SSBP2: variants seen among roughly 807,000 people sequenced by gnomAD.
SSBP2 encodes the protein single stranded DNA binding protein 2.
In SSBP2, 17 loss-of-function variants were observed where a neutral mutation model predicts 61.8. The observed-to-expected ratio is 0.28, with a 90% CI of 0.19 to 0.41. The LOEUF (loss-of-function observed/expected upper bound fraction) is 0.41. Ranked by LOEUF, SSBP2 falls within the 10% of genes least tolerant of loss-of-function variation. SSBP2 has a pLI of 1.00. For synonymous variants in SSBP2, 139 were observed against 141.3 expected, an observed-to-expected ratio of 0.98 and a Z score of 0.12; for missense variants, 310 against 458.7, an observed-to-expected ratio of 0.68 and a Z score of 2.96.
chr5:81,432,985 G>C (rs1182626330), intron 15 of SSBP2, among the ~76,000 whole-genome samples: 2 of 150,398 alleles, frequency 1.3e-5, no homozygotes, highest in South Asian at 2.1e-4. Context: ...AGGGAGGTGG[G>C]GGGGGTCAGA....
chr5:81,436,396 A>AT (rs1762679277), intron 15 of SSBP2, among the ~76,000 whole-genome samples: 1 of 151,920 alleles, frequency 6.6e-6, no homozygotes, highest in Non-Finnish European at 1.5e-5. Context: ...GACCTTTCTG[A>AT]TTTTTTGTAA....
chr5:81,749,621 C>CA (rs1199998775), intron 1 of SSBP2, among the ~76,000 whole-genome samples: 1 of 151,792 alleles, frequency 6.6e-6, no homozygotes, highest in Non-Finnish European at 1.5e-5. Flanking sequence ...CTCTGACCCT[C>CA]AGAGTTTAAG....
chr5:81,486,724 C>A (rs1410090590), intron 6 of SSBP2, among the ~76,000 whole-genome samples: 1 of 152,148 alleles, frequency 6.6e-6, no homozygotes, highest in Non-Finnish European at 1.5e-5. Context: ...TATGTTGTAA[C>A]CCTTGGCATC....
chr5:81,423,775 T>C (rs1286108015), intron 16 of SSBP2, among the ~76,000 whole-genome samples: 1 of 152,056 alleles, frequency 6.6e-6, no homozygotes, highest in Non-Finnish European at 1.5e-5. Flanking sequence ...AGTTCATTCA[T>C]ATGTCAGGTT....
At chr5:81,665,555 G>A (rs1220646840) in intron 1 of SSBP2, among the ~76,000 whole-genome samples, 4 of 152,096 alleles carry the variant, frequency 2.6e-5, no homozygotes, top group South Asian at 2.1e-4. Context: ...GTGCAGTGGC[G>A]CAATCTTGGC....
intron 5 of SSBP2, among the ~76,000 whole-genome samples, chr5:81,510,465 A>C (rs940109204): frequency 6.6e-6 from 1 of 152,232 alleles, no homozygotes; most frequent in East Asian, 1.9e-4. Context: ...GCCACCATTA[A>C]ATTTTACTTG....
At chr5:81,575,785 A>T (rs1229331922) in intron 4 of SSBP2, among the ~76,000 whole-genome samples, 1 of 152,222 alleles carries the variant, frequency 6.6e-6, no homozygotes, top group African/African-American at 2.4e-5. Flanking sequence ...GACAAAAAAC[A>T]AGATATATAT....
At chr5:81,510,027 T>C (rs1182840153) in intron 5 of SSBP2, among the ~76,000 whole-genome samples, 2 of 152,212 alleles carry the variant, frequency 1.3e-5, no homozygotes, top group Non-Finnish European at 2.9e-5. Context: ...TCTTCTTTTG[T>C]TCATCTTTTA....
At chr5:81,557,374 T>C (rs1772686232) in intron 4 of SSBP2, among the ~76,000 whole-genome samples, 1 of 151,982 alleles carries the variant, frequency 6.6e-6, no homozygotes, top group African/African-American at 2.4e-5. Flanking sequence ...TCTCTAAGTT[T>C]ATAGTTTGCC....
intron 4 of SSBP2, among the ~76,000 whole-genome samples, chr5:81,613,821 G>C (rs992112251): frequency 6.6e-6 from 1 of 152,184 alleles, no homozygotes; most frequent in African/African-American, 2.4e-5. Context: ...TTCATGGGTA[G>C]ATCTCTGCTT....
At chr5:81,750,323 G>A (rs1485476168) in intron 1 of SSBP2, among the ~76,000 whole-genome samples, 3 of 139,360 alleles carry the variant, frequency 2.2e-5, no homozygotes, top group Admixed American at 7.8e-5. Flanking sequence ...GCCCAGGAAA[G>A]CCCGGACGCC....
At chr5:81,597,138 T>C (rs1267115477) in intron 4 of SSBP2, among the ~76,000 whole-genome samples, 3 of 152,138 alleles carry the variant, frequency 2.0e-5, no homozygotes, top group Non-Finnish European at 4.4e-5. Flanking sequence ...ATGCAGAATC[T>C]ACAACAAACT....
intron 4 of SSBP2, among the ~76,000 whole-genome samples, chr5:81,518,924 ATCT>A (rs1207114758): frequency 6.6e-6 from 1 of 152,128 alleles, no homozygotes; most frequent in Non-Finnish European, 1.5e-5. Flanking sequence ...GTTTTCTTAA[ATCT>A]TCATTGTATT....
At chr5:81,660,994 C>A (rs1219917073) in intron 1 of SSBP2, among the ~76,000 whole-genome samples, 8 of 151,824 alleles carry the variant, frequency 5.3e-5, no homozygotes, top group African/African-American at 1.9e-4. Context: ...ACAACATAAA[C>A]CGGAGCCTGT....
chr5:81,464,408 T>C (rs573738121), intron 9 of SSBP2, among the ~76,000 whole-genome samples: 1 of 152,314 alleles, frequency 6.6e-6, no homozygotes, highest in African/African-American at 2.4e-5. Context: ...TTTTGGCTTC[T>C]AAGATACAAT....
chr5:81,685,606 T>C (rs1046199823), intron 1 of SSBP2, among the ~76,000 whole-genome samples: 1 of 152,228 alleles, frequency 6.6e-6, no homozygotes, highest in African/African-American at 2.4e-5. Context: ...CTGTTAATAC[T>C]TGTAGCACCT....
At chr5:81,509,087 T>C (rs1018353894) in intron 5 of SSBP2, among the ~76,000 whole-genome samples, 1 of 152,196 alleles carries the variant, frequency 6.6e-6, no homozygotes, top group African/African-American at 2.4e-5. Context: ...GGAAAAACTA[T>C]TTAGCACCCT....
chr5:81,716,877 A>G (rs1755203307), intron 1 of SSBP2, among the ~76,000 whole-genome samples: 1 of 152,220 alleles, frequency 6.6e-6, no homozygotes, highest in Non-Finnish European at 1.5e-5. Flanking sequence ...AGCATCAAGT[A>G]TGTGTGTATC....
chr5:81,612,506 A>G (rs374752206), intron 4 of SSBP2, among the ~76,000 whole-genome samples: 17 of 152,128 alleles, frequency 1.1e-4, no homozygotes, highest in East Asian at 7.7e-4. Context: ...ATATCAAAAG[A>G]TAGTCATTTT....
Sources: gnomAD v4.1 joint callset for allele counts (sites outside exome capture counted in the v4.1 genomes callset) on GRCh38, gnomAD v4.1.1 for gene constraint, MANE v1.5 for transcripts, NCBI Gene and HGNC (gene_info 2026-07-23, HGNC 2026-07-21) for gene names.